ZEB2: variants seen among roughly 807,000 people sequenced by gnomAD.
ZEB2 encodes the protein zinc finger E-box binding homeobox 2, also known as zinc finger E-box-binding homeobox 2.
A neutral mutation model predicts 99.9 loss-of-function variants in ZEB2; 6 were observed. The ratio of observed to expected loss-of-function variants is 0.06; its 90% CI spans 0.03 to 0.12. The LOEUF (loss-of-function observed/expected upper bound fraction) is 0.12. Ranked by LOEUF, ZEB2 falls within the 10% of genes least tolerant of loss-of-function variation. The pLI is 1.00. For missense variants in ZEB2, 969 were observed against 1,502.8 expected (o/e 0.64, Z 5.87); for synonymous variants, 517 against 542.5 (o/e 0.95, Z 0.65).
chr2:144,443,254 T>C (rs1703939297), intron 2 of ZEB2, among the ~76,000 whole-genome samples: 1 of 152,154 alleles, frequency 6.6e-6, no homozygotes, highest in Admixed American at 6.5e-5. Context: ...TGTTTAGAAA[T>C]GTTTTTAGCT....
chr2:144,490,171 C>T (rs1704655910), intron 2 of ZEB2, among the ~76,000 whole-genome samples: 1 of 152,180 alleles, frequency 6.6e-6, no homozygotes, highest in South Asian at 2.1e-4. Flanking sequence ...GCATGACTCT[C>T]CCCAGATATA....
At chr2:144,476,593 T>C (rs1704433357) in intron 2 of ZEB2, among the ~76,000 whole-genome samples, 1 of 152,212 alleles carries the variant, frequency 6.6e-6, no homozygotes, top group Non-Finnish European at 1.5e-5. Flanking sequence ...AACTTTTCCC[T>C]ACCACCTACA....
chr2:144,510,981 G>GT (rs1490993845), intron 2 of ZEB2, among the ~76,000 whole-genome samples: 1 of 152,106 alleles, frequency 6.6e-6, no homozygotes, highest in African/African-American at 2.4e-5. Context: ...CAGCTACTGG[G>GT]TGTGTGTGTG....
chr2:144,517,603 G>A, intron 1 of ZEB2, 184 bp from the exon 2 acceptor site: 1 of 684,774 alleles, frequency 1.5e-6, no homozygotes, highest in Non-Finnish European at 2.6e-6. Context: ...GGCGCTTTGT[G>A]TTTGTTACTG....
rs1341937761 is a variant in ZEB2, at chr2:144,398,668, C to T, written c.2519G>A (p.Ser840Asn). Residue 840 changes from serine (S) to asparagine (N), a missense_variant, in exon 8 of 10, where the codon AGT becomes AAT. Coordinates refer to ENST00000627532, the MANE Select transcript of ZEB2 (RefSeq NM_014795.4). Reference sequence around the variant, plus strand: ...ACTGTTATGATCTAAACTGATGCTACTAGCTTTTGTTTTGTTCTTTGTGGC... The same window carrying T: ...ACTGTTATGATCTAAACTGATGCTATTAGCTTTTGTTTTGTTCTTTGTGGC... ...IIATKNKTKA[S>N]SISLDHNSVS... 6.2e-7 allele frequency: 1 copy of T among 1,613,912 alleles called. No individual in the cohort carries two copies. The highest frequency in any genetic ancestry group is 8.5e-7 in the Non-Finnish European group (1 of 1,179,976).
At chr2:144,420,082 T>C (rs1007365902) in intron 4 of ZEB2, among the ~76,000 whole-genome samples, 2 of 152,234 alleles carry the variant, frequency 1.3e-5, no homozygotes, top group Non-Finnish European at 2.9e-5. Flanking sequence ...CTCCACCAAA[T>C]ATTCATTCAT....
intron 9 of ZEB2, chr2:144,394,470 G>GC (rs1166174771): frequency 1.3e-5 from 2 of 152,146 alleles, no homozygotes; most frequent in Non-Finnish European, 2.9e-5. Context: ...TCAGTGATGT[G>GC]CCTATTGTAG....
intron 4 of ZEB2, among the ~76,000 whole-genome samples, chr2:144,410,921 G>A (rs1469624162): frequency 1.3e-5 from 2 of 151,186 alleles, no homozygotes; most frequent in African/African-American, 2.4e-5. Flanking sequence ...TTTAATAACT[G>A]TTTATTGAGT....
At chr2:144,404,529 G>A (rs1703357722) in intron 5 of ZEB2, among the ~76,000 whole-genome samples, 1 of 151,948 alleles carries the variant, frequency 6.6e-6, no homozygotes, top group Admixed American at 6.5e-5. Context: ...AGGGAGTGTC[G>A]GTCTCAACTT....
At chr2:144,492,600 C>T (rs1704696337) in intron 2 of ZEB2, among the ~76,000 whole-genome samples, 2 of 152,222 alleles carry the variant, frequency 1.3e-5, no homozygotes, top group African/African-American at 4.8e-5. Flanking sequence ...AGCCTACACT[C>T]TTCCGAGCAC....
intron 2 of ZEB2, among the ~76,000 whole-genome samples, chr2:144,515,460 T>A (rs1339421644): frequency 6.6e-6 from 1 of 151,642 alleles, no homozygotes; most frequent in African/African-American, 2.4e-5. Flanking sequence ...GGAGGTCTCC[T>A]GTGTAAGGAC....
At chr2:144,457,956 T>C (rs555137190) in intron 2 of ZEB2, among the ~76,000 whole-genome samples, 37 of 152,320 alleles carry the variant, frequency 2.4e-4, no homozygotes, top group African/African-American at 8.9e-4. Flanking sequence ...CATTCTTTTC[T>C]TGGTCATAAG....
rs10529605 is a variant in ZEB2, at chr2:144,484,185, T to TTGTGTGTGTGTGTGTGTGTGTGTGTG, written c.73+33067_73+33092dup. Among the ~76,000 whole-genome samples the TTGTGTGTGTGTGTGTGTGTGTGTGTG allele has an allele frequency of 9.6e-4, 137 of 142,522 alleles. 2 individuals are homozygous for TTGTGTGTGTGTGTGTGTGTGTGTGTG. Among genetic ancestry groups the TTGTGTGTGTGTGTGTGTGTGTGTGTG allele is most frequent in the Non-Finnish European group, 1.2e-3 (79 of 65,224 alleles). 93.5% of individuals were successfully genotyped at this position (142,522 alleles called of 152,430 possible). The stretch of plus-strand genomic sequence containing the variant: ...CTCCAGGGGAGCTGGAAATCTGGAT[T>TTGTGTGTGTGTGTGTGTGTGTGTGTG]TGTGTGTGTGTGTGTGTGTGTGTGT... On this transcript the variant is annotated intron_variant, in intron 2 of 9. Transcript: ENST00000627532.
rs578035542 is a variant in ZEB2 at position 144,442,462 on chromosome 2, A to C, written c.74-12436T>G. 3.0e-4 allele frequency among the ~76,000 whole-genome samples: 45 copies of C among 152,302 alleles called. No individual in the cohort carries two copies. The South Asian group carries it at 8.3e-3, about 28-fold the overall frequency. On this transcript the variant is annotated intron_variant, in intron 2 of 9. Coordinates refer to ENST00000627532, the MANE Select transcript of ZEB2 (RefSeq NM_014795.4). ...AAGCTATGTACTGTTAGGCTCACTC[A>C]ATTTTCAAGCCAAGGAACATATTTA... is the stretch of plus-strand genomic sequence containing the variant.
chr2:144,448,182 T>C (rs186451649), intron 2 of ZEB2, among the ~76,000 whole-genome samples: 70 of 152,288 alleles, frequency 4.6e-4, no homozygotes, highest in Non-Finnish European at 7.8e-4. Context: ...TGACTTACAG[T>C]GGTAAGATTT....
intron 3 of ZEB2, chr2:144,428,244 T>C (rs958454022): frequency 6.6e-6 from 1 of 152,214 alleles, no homozygotes; most frequent in African/African-American, 2.4e-5. Context: ...CACCAGCTCA[T>C]TTAAATAGTA....
At chr2:144,493,132 T>TC (rs770967027) in intron 2 of ZEB2, among the ~76,000 whole-genome samples, 1 of 152,214 alleles carries the variant, frequency 6.6e-6, no homozygotes, top group Non-Finnish European at 1.5e-5. Flanking sequence ...TCTTTTTTCT[T>TC]CTTTTTTTAA....
chr2:144,511,547 A>C (rs1705039156), intron 2 of ZEB2: 2 of 1,280,128 alleles, frequency 1.6e-6, no homozygotes, highest in Non-Finnish European at 2.0e-6. Flanking sequence ...TTTTCCTTTT[A>C]AAAACTGCTT....
At chr2:144,417,824 G>T (rs980997871) in intron 4 of ZEB2, among the ~76,000 whole-genome samples, 7 of 152,036 alleles carry the variant, frequency 4.6e-5, no homozygotes, top group African/African-American at 1.7e-4. Context: ...CTAGAACGGG[G>T]GTTCTCGAAT....
Sources: gnomAD v4.1 joint callset for allele counts (sites outside exome capture counted in the v4.1 genomes callset) on GRCh38, gnomAD v4.1.1 for gene constraint, MANE v1.5 for transcripts, NCBI Gene and HGNC (gene_info 2026-07-23, HGNC 2026-07-21) for gene names.